The following BRD9 variants were observed in gnomAD, a reference collection of about 807,000 sequenced individuals.
BRD9 encodes bromodomain containing 9.
Under a neutral mutation model 68.7 loss-of-function variants are expected in BRD9, and 47 were observed. The observed-to-expected ratio is 0.68, with a 90% CI of 0.54 to 0.87. BRD9 has a LOEUF of 0.87. BRD9 is among the 40% of genes least tolerant of loss of function. The probability of loss-of-function intolerance (pLI) is 0.00; values close to 1 mark genes in which losing one functional copy is unlikely to be tolerated. For missense variants in BRD9, 670 were observed against 748.4 expected, an observed-to-expected ratio of 0.90 and a Z score of 1.22; for synonymous variants, 313 against 293.9, an observed-to-expected ratio of 1.06 and a Z score of -0.67.
chr5:868,275 C>A (rs1749644905), intron 14 of BRD9, among the ~76,000 whole-genome samples: 2 of 152,238 alleles, frequency 1.3e-5, no homozygotes, highest in South Asian at 4.1e-4. Context: ...AACCTCTTTC[C>A]TTCACCAATG....
intron 13 of BRD9, among the ~76,000 whole-genome samples, chr5:870,986 C>T: frequency 6.6e-6 from 1 of 151,570 alleles, no homozygotes; most frequent in East Asian, 1.9e-4. Flanking sequence ...AGACTACAGC[C>T]ACCCTAACAC....
chr5:878,463 G>C lies in BRD9; in HGVS notation c.1163C>G (p.Thr388Ser). 6.2e-7 allele frequency: 1 copy of C among 1,614,258 alleles called. No individual in the cohort carries two copies. Among genetic ancestry groups the C allele is most frequent in the South Asian group, 1.1e-5 (1 of 91,092 alleles). The change falls in exon 11 of 16, where the codon ACT (threonine) becomes AGT (serine). Residue 388 changes from threonine to serine, a missense_variant. Physicochemically the swap from Thr to Ser is moderately conservative, Grantham distance 58. This residue lies in a region of BRD9 where 280 missense variants were observed against 281.5 expected (regional missense o/e 0.99). Coordinates refer to ENST00000467963, the MANE Select transcript of BRD9 (RefSeq NM_023924.5). ...NKVTFLSSAT[T>S]ALSMQNNSVF... ...TGAATTATTCTGCATCGAAAGCGCA[G>C]TAGTGGCACTGGAGAGAAAGGTGAC...
chr5:864,496 G>A lies in BRD9; in HGVS notation c.1766C>T (p.Pro589Leu). The change falls in exon 16 of 16, where the codon CCA becomes CTA. Residue 589 changes from proline (P) to leucine (L), a missense_variant. Pro to Leu is a moderately conservative substitution (Grantham distance 98). Coordinates refer to ENST00000467963, the MANE Select transcript of BRD9 (RefSeq NM_023924.5). ...THDPYEFLQS[P>L]EPAASAKT ...GGTCTTGGCAGAGGCCGCAGGCTCT[G>A]GAGACTGAAGAAACTCATAGGGGTC... The A allele has an allele frequency of 6.2e-7, 1 of 1,613,856 alleles. No homozygotes were observed. Among genetic ancestry groups the A allele is most frequent in the South Asian group, 1.1e-5 (1 of 91,074 alleles).
At chr5:884,426 CCT>C (rs1161200375) in intron 7 of BRD9, among the ~76,000 whole-genome samples, 9 of 152,220 alleles carry the variant, frequency 5.9e-5, no homozygotes, top group African/African-American at 1.7e-4. Flanking sequence ...AAAAGCCACC[CCT>C]GACTACGCAG....
At chr5:891,518 T>C (rs1236440946) in intron 2 of BRD9, 122 bp downstream of exon 2, 2 of 1,434,140 alleles carry the variant, frequency 1.4e-6, no homozygotes, top group Non-Finnish European at 1.8e-6. Context: ...CGCGTTTTGC[T>C]ACCAACGGAA....
At chr5:887,066 G>T (rs1449567334) in intron 6 of BRD9, among the ~76,000 whole-genome samples, 1 of 152,218 alleles carries the variant, frequency 6.6e-6, no homozygotes, top group African/African-American at 2.4e-5. Flanking sequence ...ATTCAGTGAG[G>T]CAGTCACGCA....
rs2150539901 is a variant in BRD9 at position 863,892 on chromosome 5, C to T, written c.*576G>A. The T allele has an allele frequency of 6.5e-6, 1 of 152,696 alleles. No homozygotes were observed. The highest frequency in any genetic ancestry group is 1.9e-4 in the East Asian group (1 of 5,178). 9.5% of individuals were successfully genotyped at this position (152,696 alleles called of 1,614,324 possible). ...GTGCTCCCCAATGGCCCCTGCGAGG[C>T]CCCTACCATGGCCTGCCTGGGAGAC... On this transcript the variant is annotated 3_prime_UTR_variant, in exon 16 of 16. Transcript: ENST00000467963.
intron 8 of BRD9, 24 bp downstream of exon 8, chr5:883,914 C>CT (rs1560919205): frequency 1.2e-6 from 2 of 1,604,654 alleles, no homozygotes; most frequent in Admixed American, 3.4e-5. Context: ...GTGGCACCCT[C>CT]TCTCGGTGGC....
At position 865,599 on chromosome 5, in the gene BRD9, G is replaced by A. The variant is rs1434443298; in HGVS notation, c.1526-18C>T. On this transcript the variant is annotated intron_variant, in intron 14 of 15. Transcript: ENST00000467963. ...CACCTTCCCTGTGTAAACAGGACAT[G>A]ACCCCACGTCGGCTGAGCTCAGCCG... The A allele has an allele frequency of 1.9e-6, 3 of 1,575,516 alleles. No homozygotes were observed. The highest frequency in any genetic ancestry group is 2.2e-5 in the South Asian group (2 of 89,914).
Position 871,506 on chromosome 5 carries a change from T to C in BRD9, c.1422+20A>G. 6.2e-7 allele frequency: 1 copy of C among 1,612,774 alleles called. No individual in the cohort carries two copies. The highest frequency in any genetic ancestry group is 1.7e-4 in the Middle Eastern group (1 of 6,060). ...TGTGAGAATAATATTTGGCTTGCCC[T>C]TCCATGTTCAAAAACTTACCTTGGC... On this transcript the variant is annotated intron_variant, in intron 13 of 15. Transcript: ENST00000467963.
At chr5:865,709 G>A in intron 14 of BRD9, 128 bp from the exon 15 acceptor site, 1 of 1,067,052 alleles carries the variant, frequency 9.4e-7, no homozygotes, top group Non-Finnish European at 1.3e-6. Flanking sequence ...GAAACTGAGT[G>A]GACGAGCTCA....
intron 9 of BRD9, 80 bp downstream of exon 9, chr5:881,027 G>C (rs1034819650): frequency 2.0e-6 from 3 of 1,463,436 alleles, no homozygotes; most frequent in African/African-American, 2.8e-5. Flanking sequence ...CCATGGCTCA[G>C]CTTTTCATTA....
Position 878,452 on chromosome 5 carries a change from T to G in BRD9, c.1174A>C (p.Met392Leu), listed in dbSNP as rs751422052. The G allele has an allele frequency of 6.2e-7, 1 of 1,614,132 alleles. No individual in the cohort carries two copies. The highest frequency in any genetic ancestry group is 1.3e-5 in the African/African-American group (1 of 74,950). Reference protein sequence around the residue: ...FLSSATTALSMQNNSVFGDLK... With the variant: ...FLSSATTALSLQNNSVFGDLK... ...TCGCCAAATACTGAATTATTCTGCATCGAAAGCGCAGTAGTGGCACTGGAG... is the reference window on the plus strand; with the variant it reads ...TCGCCAAATACTGAATTATTCTGCAGCGAAAGCGCAGTAGTGGCACTGGAG... The change falls in exon 11 of 16, where the codon ATG becomes CTG. Residue 392 changes from methionine to leucine, a missense_variant. Coordinates refer to ENST00000467963, the MANE Select transcript of BRD9 (RefSeq NM_023924.5).
intron 13 of BRD9, among the ~76,000 whole-genome samples, chr5:870,861 G>A (rs1750033737): frequency 6.6e-6 from 1 of 152,206 alleles, no homozygotes; most frequent in South Asian, 2.1e-4. Flanking sequence ...ATTGGGGAGG[G>A]ACATTATGCA....
intron 5 of BRD9, among the ~76,000 whole-genome samples, chr5:887,744 G>A (rs73733979): frequency 0.038 from 5,744 of 152,260 alleles, 342 homozygotes; most frequent in African/African-American, 0.13. Flanking sequence ...AGGAAAAAGC[G>A]TTTCCTGCGC....
intron 11 of BRD9, 113 bp from the exon 12 acceptor site, chr5:876,325 C>G (rs1750921878): frequency 6.9e-6 from 5 of 727,258 alleles, no homozygotes; most frequent in Non-Finnish European, 1.2e-5. Flanking sequence ...GTCCCCGTGA[C>G]CCTCCCAGAG....
rs570291583 is a variant in BRD9 at position 878,251 on chromosome 5, A to G, written c.1271+104T>C. On this transcript the variant is annotated intron_variant, in intron 11 of 15. Transcript: ENST00000467963. ...CCAGGCTGCCATATGGACGGCTGCA[A>G]GATGGCTCTCTCCCCACCCGCACAC... is the stretch of plus-strand genomic sequence containing the variant. 2.9e-4 allele frequency: 448 copies of G among 1,520,786 alleles called. 2 individuals are homozygous for G. In the African/African-American group the frequency reaches 5.5e-3, roughly 19 times the overall value. The allele number at this position is 1,520,786 out of a possible 1,614,324, so 94.2% of individuals were successfully genotyped here.
At chr5:891,532 CCCCT>C in intron 2 of BRD9, 104 bp downstream of exon 2, 1 of 1,463,292 alleles carries the variant, frequency 6.8e-7, no homozygotes, top group Non-Finnish European at 9.0e-7. Flanking sequence ...AACGGAACAC[CCCCT>C]CCCCTCCTCC....
chr5:882,645 G>A (rs1049906098), intron 8 of BRD9: 19 of 158,834 alleles, frequency 1.2e-4, no homozygotes, highest in Non-Finnish European at 1.6e-4. Flanking sequence ...CGCCCCACAC[G>A]TGAGCCACGC....
Sources: gnomAD v4.1 joint callset for allele counts (sites outside exome capture counted in the v4.1 genomes callset) on GRCh38, gnomAD v4.1.1 for gene constraint, gnomAD v4.1.1 regional missense constraint, MANE v1.5 for transcripts, NCBI Gene and HGNC (gene_info 2026-07-23, HGNC 2026-07-21) for gene names.